The following MAP2K1 variants were observed in gnomAD, a reference collection of about 807,000 sequenced individuals.
MAP2K1 encodes the protein mitogen-activated protein kinase kinase 1.
MAP2K1 carries 16 observed loss-of-function variants against 46.3 expected under a neutral mutation model. The observed-to-expected ratio is 0.35, with a 90% CI of 0.23 to 0.52. MAP2K1 has a LOEUF of 0.52. Ranked by LOEUF, MAP2K1 falls within the 20% of genes least tolerant of loss-of-function variation. MAP2K1 has a pLI of 0.94. For synonymous variants in MAP2K1, 183 were observed against 185.6 expected, an observed-to-expected ratio of 0.99 and a Z score of 0.11; for missense variants, 263 against 497.1, an observed-to-expected ratio of 0.53 and a Z score of 4.48.
At position 66,478,768 on chromosome 15, in the gene MAP2K1, C is replaced by T. The variant is rs904423843; in HGVS notation, c.569-2987C>T. On this transcript the variant is annotated intron_variant, in intron 5 of 10. Coordinates refer to ENST00000307102, the MANE Select transcript of MAP2K1 (RefSeq NM_002755.4). ...CTGGGGTTACAGACGTGAGCCACTG[C>T]GCCTGGCTGGGTTTTATATTTTTCT... Among the ~76,000 whole-genome samples, 18 of 151,882 alleles carry T rather than the reference C, an allele frequency of 1.2e-4. 1 individual carries two copies. The highest frequency in any genetic ancestry group is 3.4e-4 in the African/African-American group (14 of 41,322).
At chr15:66,425,623 A>G (rs1300273158) in intron 1 of MAP2K1, among the ~76,000 whole-genome samples, 1 of 152,012 alleles carries the variant, frequency 6.6e-6, no homozygotes, top group African/African-American at 2.4e-5. Flanking sequence ...GGGGCAGGGG[A>G]CATTCAAAAT....
chr15:66,483,788 C>T (rs1466997138), intron 6 of MAP2K1, among the ~76,000 whole-genome samples: 4 of 140,078 alleles, frequency 2.9e-5, no homozygotes, highest in Non-Finnish European at 6.1e-5. Context: ...CACTGTGTCA[C>T]CCAGGCTGGA....
At chr15:66,416,362 ACACACACCCACC>A (rs1212404186) in intron 1 of MAP2K1, among the ~76,000 whole-genome samples, 1 of 149,072 alleles carries the variant, frequency 6.7e-6, no homozygotes, top group Non-Finnish European at 1.5e-5. Flanking sequence ...CCCCCCAAAC[ACACACACCCACC>A]CACACACCCA....
At chr15:66,417,740 T>G (rs775587661) in intron 1 of MAP2K1, among the ~76,000 whole-genome samples, 1 of 152,134 alleles carries the variant, frequency 6.6e-6, no homozygotes, top group Non-Finnish European at 1.5e-5. Flanking sequence ...CCTGTGTGTA[T>G]TTGGGCAGGG....
intron 6 of MAP2K1, among the ~76,000 whole-genome samples, chr15:66,484,789 G>A (rs1194391743): frequency 6.6e-6 from 1 of 152,228 alleles, no homozygotes; most frequent in Admixed American, 6.5e-5. Context: ...ATAGAGCAGG[G>A]ATGAGGGGTT....
chr15:66,446,455 A>C (rs75031052), intron 5 of MAP2K1: 1 of 162,092 alleles, frequency 6.2e-6, no homozygotes, highest in Non-Finnish European at 1.3e-5. Flanking sequence ...AAAAAAAAAA[A>C]TCCTTGAGGG....
chr15:66,489,203 A>G lies in MAP2K1; in HGVS notation c.961-12A>G. 1.9e-6 allele frequency: 3 copies of G among 1,612,516 alleles called. No individual in the cohort carries two copies. Among genetic ancestry groups the G allele is most frequent in the Non-Finnish European group, 1.7e-6 (2 of 1,178,536 alleles). ...AGCCAGGCATTTTTCTTATCTCAACATGTGTTTGCAGCCTCCTCCAAAACT... is the reference window on the plus strand; with the variant it reads ...AGCCAGGCATTTTTCTTATCTCAACGTGTGTTTGCAGCCTCCTCCAAAACT... On this transcript the variant is annotated splice_polypyrimidine_tract_variant and intron_variant, in intron 8 of 10. Transcript: ENST00000307102.
In MAP2K1 at chr15:66,389,571, GGT is replaced by G. The variant is rs1491101825; in HGVS notation, c.80+2145_80+2146del. Among the ~76,000 whole-genome samples, 199 of 113,174 alleles carry G rather than the reference GGT, an allele frequency of 1.8e-3. 1 individual carries two copies. The highest frequency in any genetic ancestry group is 2.9e-3 in the Admixed American group (29 of 9,938). 74.2% of individuals were successfully genotyped at this position (113,174 alleles called of 152,430 possible). On this transcript the variant is annotated intron_variant, in intron 1 of 10. Transcript: ENST00000307102. ...TAAGTTTGAAGCCTAGCTCTGTTGTGGTTTTTTTTTTTTTTTTTTTTTTTTGA... is the reference window on the plus strand; with the variant it reads ...TAAGTTTGAAGCCTAGCTCTGTTGTGTTTTTTTTTTTTTTTTTTTTTTTGA...
chr15:66,435,269 T>A (rs756991181), intron 2 of MAP2K1, 32 bp downstream of exon 2: 3 of 1,572,370 alleles, frequency 1.9e-6, no homozygotes, highest in African/African-American at 1.3e-5. Flanking sequence ...GGTAATTGGA[T>A]TATTTCTCAG....
At chr15:66,402,229 G>A (rs77312053) in intron 1 of MAP2K1, among the ~76,000 whole-genome samples, 1,813 of 152,246 alleles carry the variant, frequency 0.012, 29 homozygotes, top group African/African-American at 0.041. Flanking sequence ...TACACAACTA[G>A]CAGGAATATG....
At chr15:66,436,940 G>A (rs2140584699) in intron 3 of MAP2K1, 48 bp downstream of exon 3, 1 of 1,608,492 alleles carries the variant, frequency 6.2e-7, no homozygotes. Context: ...TAAGAGTTGG[G>A]TGGCTCTGGC....
At chr15:66,478,404 A>G (rs955805279) in intron 5 of MAP2K1, among the ~76,000 whole-genome samples, 14 of 145,750 alleles carry the variant, frequency 9.6e-5, no homozygotes, top group East Asian at 2.0e-4. Context: ...GTGTGTGTAT[A>G]TATATATATA....
At chr15:66,447,261 A>C (rs1371717221) in intron 5 of MAP2K1, among the ~76,000 whole-genome samples, 1 of 148,766 alleles carries the variant, frequency 6.7e-6, no homozygotes, top group Non-Finnish European at 1.5e-5. Flanking sequence ...TCTTTTTGTT[A>C]GTCTAACTTC....
At chr15:66,395,416 T>C (rs933978708) in intron 1 of MAP2K1, among the ~76,000 whole-genome samples, 1 of 152,150 alleles carries the variant, frequency 6.6e-6, no homozygotes, top group Non-Finnish European at 1.5e-5. Flanking sequence ...TTAATTTTCC[T>C]CTGTTTTTCC....
At chr15:66,400,178 T>G (rs2093377999) in intron 1 of MAP2K1, among the ~76,000 whole-genome samples, 1 of 151,978 alleles carries the variant, frequency 6.6e-6, no homozygotes, top group South Asian at 2.1e-4. Flanking sequence ...AAAAAAACCT[T>G]TTCTGCTGGC....
chr15:66,463,770 C>T (rs1469711490), intron 5 of MAP2K1, among the ~76,000 whole-genome samples: 2 of 152,226 alleles, frequency 1.3e-5, no homozygotes. Context: ...AGGCGTGAGC[C>T]ACCACGCCTG....
chr15:66,443,356 C>CTGTGAGTA lies in MAP2K1; in HGVS notation c.516+3_516+10dup, dbSNP rs1891772664. ...CAAATTTTAGGAAAAGTTAGCATTG[C>CTGTGAGTA]TGTGAGTATGTTATGAAGTTTTTCT... On this transcript the variant is annotated frameshift_variant and splice_region_variant, in exon 4 of 11. Coordinates refer to ENST00000307102, the MANE Select transcript of MAP2K1 (RefSeq NM_002755.4). LOFTEE classifies it high-confidence loss of function. 1.3e-6 allele frequency: 2 copies of CTGTGAGTA among 1,592,328 alleles called. No homozygotes were observed. The highest frequency in any genetic ancestry group is 1.7e-5 in the Admixed American group (1 of 59,944).
At chr15:66,434,011 A>C (rs1304435124) in intron 1 of MAP2K1, among the ~76,000 whole-genome samples, 1 of 152,238 alleles carries the variant, frequency 6.6e-6, no homozygotes, top group African/African-American at 2.4e-5. Flanking sequence ...CCACTGGCTG[A>C]ATTATGTGCT....
At chr15:66,448,580 T>C (rs886579347) in intron 5 of MAP2K1, among the ~76,000 whole-genome samples, 1 of 152,208 alleles carries the variant, frequency 6.6e-6, no homozygotes, top group South Asian at 2.1e-4. Flanking sequence ...TTTCTCAAAA[T>C]ATTGAAAGAT....
Sources: allele counts gnomAD v4.1 joint callset (sites outside exome capture counted in the v4.1 genomes callset), GRCh38; gene constraint gnomAD v4.1.1; transcripts MANE v1.5; gene names NCBI Gene and HGNC (gene_info 2026-07-23, HGNC 2026-07-21).